The following IQSEC1 variants were observed in gnomAD, a reference collection of about 807,000 sequenced individuals.
IQSEC1 encodes the protein IQ motif and SEC7 domain-containing protein 1.
Under a neutral mutation model 91.0 loss-of-function variants are expected in IQSEC1, and 31 were observed. That is an observed-to-expected ratio of 0.34 (90% CI 0.26 to 0.46). IQSEC1 has a LOEUF of 0.46. IQSEC1 is among the 20% of genes least tolerant of loss of function. IQSEC1 has a pLI of 1.00. For missense variants in IQSEC1, 1,388 were observed against 1,575.6 expected (o/e 0.88, Z 2.02); for synonymous variants, 699 against 662.6 (o/e 1.05, Z -0.84).
chr3:13,182,812 T>C (rs566324483), intron 1 of IQSEC1, among the ~76,000 whole-genome samples: 1 of 152,330 alleles, frequency 6.6e-6, no homozygotes, highest in African/African-American at 2.4e-5. Flanking sequence ...GAAATATTTA[T>C]AGCATTAAAT....
chr3:13,270,141 A>T (rs952295257), intron 1 of IQSEC1, among the ~76,000 whole-genome samples: 4 of 152,232 alleles, frequency 2.6e-5, no homozygotes, highest in African/African-American at 9.6e-5. Context: ...CATGCAGCTG[A>T]ATACCACTGA....
chr3:13,128,605 C>T (rs1364856694), intron 2 of IQSEC1, among the ~76,000 whole-genome samples: 1 of 152,148 alleles, frequency 6.6e-6, no homozygotes, highest in Non-Finnish European at 1.5e-5. Flanking sequence ...GTGGCTCACG[C>T]CTGTAATCCC....
At chr3:13,040,729 T>C (rs1704229699) in intron 1 of IQSEC1, among the ~76,000 whole-genome samples, 1 of 152,200 alleles carries the variant, frequency 6.6e-6, no homozygotes. Context: ...CCTCTGGGTT[T>C]TTCCCATGTG....
At chr3:12,990,241 G>T (rs1701926418) in intron 1 of IQSEC1, among the ~76,000 whole-genome samples, 1 of 152,126 alleles carries the variant, frequency 6.6e-6, no homozygotes, top group Admixed American at 6.5e-5. Context: ...GTCCTGCAGG[G>T]CATCTCAGCT....
At chr3:13,254,904 G>A (rs757910811) in intron 1 of IQSEC1, among the ~76,000 whole-genome samples, 2 of 152,150 alleles carry the variant, frequency 1.3e-5, no homozygotes, top group South Asian at 2.1e-4. Flanking sequence ...GCCTCCATGC[G>A]GTCTCTGTGC....
chr3:13,214,239 C>G lies in IQSEC1; in HGVS notation c.273-50106G>C, dbSNP rs530982232. 2.0e-5 allele frequency among the ~76,000 whole-genome samples: 3 copies of G among 152,336 alleles called. No homozygotes were observed. Among genetic ancestry groups the G allele is most frequent in the Admixed American group, 6.5e-5 (1 of 15,298 alleles). ...GCAGGGGCTTCTAAGCCTTTGAGAG[C>G]CAACCTGCCCTGGCCGGGTGAGACT... On this transcript the variant is annotated intron_variant, in intron 1 of 15. Coordinates refer to the IQSEC1 transcript ENST00000648114. This position sits in a 1 kb window ranked among gnomAD's most constrained non-coding sequence, Gnocchi z 4.5.
chr3:12,903,099 A>AC (rs1385227086), intron 12 of IQSEC1, among the ~76,000 whole-genome samples: 1 of 152,336 alleles, frequency 6.6e-6, no homozygotes, highest in Non-Finnish European at 1.5e-5. Context: ...CTCCTCCTGG[A>AC]CCAGGAGTCT....
chr3:13,252,730 T>TTTTTTGTTTG (rs60219953), intron 1 of IQSEC1, among the ~76,000 whole-genome samples: 70 of 150,946 alleles, frequency 4.6e-4, no homozygotes, highest in African/African-American at 1.7e-3. Flanking sequence ...TTTTTTTTGT[T>TTTTTTGTTTG]TTTGTTTGTT....
intron 1 of IQSEC1, among the ~76,000 whole-genome samples, chr3:12,976,597 T>C (rs1701187347): frequency 1.3e-5 from 2 of 152,222 alleles, no homozygotes; most frequent in African/African-American, 2.4e-5. Context: ...CCTCGGGACC[T>C]TCCTGAACCT....
upstream of IQSEC1, among the ~76,000 whole-genome samples, chr3:13,074,818 G>T (rs1559249762): frequency 6.6e-6 from 1 of 151,594 alleles, no homozygotes; most frequent in Non-Finnish European, 1.5e-5. Context: ...AATTTAGAAG[G>T]AGTGATGCTG....
chr3:13,085,962 G>A (rs1269586123), intron 2 of IQSEC1, among the ~76,000 whole-genome samples: 2 of 152,174 alleles, frequency 1.3e-5, no homozygotes, highest in African/African-American at 2.4e-5. Context: ...GGCTCCACGC[G>A]GCCCCTCTGC....
intron 2 of IQSEC1, among the ~76,000 whole-genome samples, chr3:13,127,920 C>T (rs1706545432): frequency 6.6e-6 from 1 of 152,168 alleles, no homozygotes; most frequent in South Asian, 2.1e-4. Flanking sequence ...TTCTTTGAAA[C>T]AATTATAAAT....
intron 1 of IQSEC1, among the ~76,000 whole-genome samples, chr3:13,229,426 T>A (rs1005001105): frequency 6.6e-6 from 1 of 152,158 alleles, no homozygotes. Flanking sequence ...GCTGTCGAAG[T>A]GTTTATGGCC....
chr3:12,928,968 T>C (rs1055540883), intron 3 of IQSEC1, among the ~76,000 whole-genome samples: 5 of 152,202 alleles, frequency 3.3e-5, no homozygotes, highest in African/African-American at 1.2e-4. Context: ...GGCTAGGTGC[T>C]ATGCTAGCAC....
chr3:13,107,753 G>A (rs945267314), intron 2 of IQSEC1, among the ~76,000 whole-genome samples: 2 of 152,240 alleles, frequency 1.3e-5, no homozygotes, highest in Admixed American at 6.5e-5. Flanking sequence ...CCGCCCCTGG[G>A]CCGCTGGGTC....
chr3:12,929,192 G>A (rs1288784067), intron 3 of IQSEC1, among the ~76,000 whole-genome samples: 1 of 152,210 alleles, frequency 6.6e-6, no homozygotes, highest in Non-Finnish European at 1.5e-5. Context: ...TAATGGGGAT[G>A]ACAGCAGTTC....
At chr3:13,098,712 A>G (rs1706006395) in intron 2 of IQSEC1, among the ~76,000 whole-genome samples, 1 of 152,220 alleles carries the variant, frequency 6.6e-6, no homozygotes, top group South Asian at 2.1e-4. Flanking sequence ...GCCAGTGTAT[A>G]TGGTTCCATT....
Position 12,979,563 on chromosome 3 carries a change from C to T in IQSEC1, c.24-37698G>A, listed in dbSNP as rs1701354656. 1.3e-5 allele frequency among the ~76,000 whole-genome samples: 2 copies of T among 152,254 alleles called. No homozygotes were observed. Among genetic ancestry groups the T allele is most frequent in the South Asian group, 2.1e-4 (1 of 4,830 alleles). On this transcript the variant is annotated intron_variant, in intron 1 of 13. Transcript: ENST00000613206. This position sits in a 1 kb window ranked among gnomAD's most constrained non-coding sequence, Gnocchi z 4.3. The stretch of plus-strand genomic sequence containing the variant: ...GTTGTCTCTGGGGAGGGGAATGGGA[C>T]GTGGAAGGGCGTGGCGCATAGCTCA...
chr3:12,905,726 G>T (rs11128624), intron 12 of IQSEC1, among the ~76,000 whole-genome samples: 2,751 of 152,362 alleles, frequency 0.018, 56 homozygotes, highest in African/African-American at 0.054. Flanking sequence ...CACCACTGGT[G>T]CCTGTCACTG....
Sources: gnomAD v4.1 joint callset for allele counts (sites outside exome capture counted in the v4.1 genomes callset) on GRCh38, gnomAD v4.1.1 for gene constraint, Gnocchi (gnomAD v3.1) non-coding constraint, MANE v1.5 for transcripts, NCBI Gene and HGNC (gene_info 2026-07-23, HGNC 2026-07-21) for gene names.